The following PTK2 variants were observed in gnomAD, a reference collection of about 807,000 sequenced individuals.
PTK2 encodes focal adhesion kinase 1.
PTK2 carries 45 observed loss-of-function variants against 150.1 expected under a neutral mutation model. That is an observed-to-expected ratio of 0.30 (90% CI 0.24 to 0.38). The LOEUF (loss-of-function observed/expected upper bound fraction) is 0.38, where lower values mean the gene tolerates loss of function less well. Among genes scored for constraint, PTK2 ranks in the 10% least tolerant of loss-of-function variants. The pLI, the probability that PTK2 is intolerant of heterozygous loss-of-function variation, is 1.00. For synonymous variants in PTK2, 432 were observed against 449.2 expected (o/e 0.96, Z 0.48); for missense variants, 919 against 1,307.3 (o/e 0.70, Z 4.58).
At chr8:140,887,596 A>G (rs2100152763) in intron 3 of PTK2, among the ~76,000 whole-genome samples, 1 of 152,222 alleles carries the variant, frequency 6.6e-6, no homozygotes, top group Non-Finnish European at 1.5e-5. Context: ...TTTCTGAACC[A>G]AGCAGTCTTT....
exon 25 of PTK2, chr8:140,702,592 G>A: frequency 6.2e-7 from 1 of 1,613,500 alleles, no homozygotes; most frequent in Non-Finnish European, 8.5e-7. Flanking sequence ...CTGCCACATT[G>A]CTATCTCCTG....
intron 27 of PTK2, chr8:140,675,879 C>A (rs192090631): frequency 3.0e-5 from 5 of 165,130 alleles, no homozygotes; most frequent in Non-Finnish European, 5.2e-5. Flanking sequence ...AATAGAACTA[C>A]CATTCGATCC....
chr8:140,665,917 C>T lies in PTK2; in HGVS notation c.2866-920G>A, dbSNP rs148463037. 3.2e-4 allele frequency among the ~76,000 whole-genome samples: 49 copies of T among 152,328 alleles called. No homozygotes were observed. The East Asian group carries it at 7.3e-3, about 23-fold the overall frequency. On this transcript the variant is annotated intron_variant, in intron 30 of 31. Coordinates refer to ENST00000522684, the Ensembl canonical transcript of PTK2. ...TGGTTAAAACTGTTATGTGGATACA[C>T]TTTAAAAAAGTGAACCAGAATGGAT...
intron 4 of PTK2, among the ~76,000 whole-genome samples, chr8:140,866,012 T>A (rs1389583702): frequency 6.6e-6 from 1 of 152,182 alleles, no homozygotes; most frequent in Non-Finnish European, 1.5e-5. Context: ...CTCGAACTCC[T>A]GAGTCAGTTC....
At chr8:140,764,318 AAG>A in intron 14 of PTK2, 28 bp from the exon 17 acceptor site, 1 of 1,563,776 alleles carries the variant, frequency 6.4e-7, no homozygotes, top group Non-Finnish European at 8.8e-7. Flanking sequence ...GATATGTTGA[AAG>A]AGGTTAAACA....
intron 1 of PTK2, among the ~76,000 whole-genome samples, chr8:140,938,315 T>C (rs976309667): frequency 3.3e-5 from 5 of 152,168 alleles, no homozygotes; most frequent in Admixed American, 3.3e-4. Context: ...TCCCAGGCAT[T>C]GATAAAGGTA....
intron 1 of PTK2, among the ~76,000 whole-genome samples, chr8:140,933,996 C>A (rs1310816377): frequency 6.7e-6 from 1 of 149,552 alleles, no homozygotes; most frequent in African/African-American, 2.5e-5. Flanking sequence ...AGCTAAAGGA[C>A]AAAAAAAAAT....
At chr8:140,833,625 G>A (rs1437708816) in intron 7 of PTK2, among the ~76,000 whole-genome samples, 6 of 152,072 alleles carry the variant, frequency 3.9e-5, no homozygotes, top group Non-Finnish European at 7.4e-5. Context: ...CTCAAGTGGC[G>A]TAAAAACCTT....
At chr8:140,756,988 CAAA>C (rs751248364) in intron 16 of PTK2, among the ~76,000 whole-genome samples, 2 of 99,406 alleles carry the variant, frequency 2.0e-5, no homozygotes, top group Non-Finnish European at 4.3e-5. Flanking sequence ...TACTCCGTCT[CAAA>C]AAAAAAAAAA....
At chr8:140,889,831 A>G (rs533927957) in intron 3 of PTK2, among the ~76,000 whole-genome samples, 180 of 152,230 alleles carry the variant, frequency 1.2e-3, no homozygotes, top group Middle Eastern at 3.4e-3. Context: ...TTCATTCCCC[A>G]CCTTCAGAAA....
intron 5 of PTK2, among the ~76,000 whole-genome samples, chr8:140,860,684 G>A (rs2100135544): frequency 6.6e-6 from 1 of 152,182 alleles, no homozygotes; most frequent in Admixed American, 6.5e-5. Context: ...TGTTGGCCAA[G>A]GCTGGTCTCG....
chr8:140,768,139 C>T (rs1446044418), intron 14 of PTK2, among the ~76,000 whole-genome samples: 2 of 152,010 alleles, frequency 1.3e-5, no homozygotes, highest in African/African-American at 4.8e-5. Context: ...TAAATAATTA[C>T]ATATATTGTC....
intron 5 of PTK2, 90 bp from the exon 6 acceptor site, chr8:140,846,768 A>C: frequency 6.9e-6 from 6 of 873,412 alleles, no homozygotes; most frequent in South Asian, 5.1e-5. Flanking sequence ...AGTACCTTTC[A>C]TATAGTTTAC....
At chr8:140,902,644 T>C (rs763406493) in intron 2 of PTK2, among the ~76,000 whole-genome samples, 6 of 152,232 alleles carry the variant, frequency 3.9e-5, no homozygotes, top group East Asian at 1.9e-4. Context: ...TTTTTAATGA[T>C]TGCCATTCTA....
intron 4 of PTK2, among the ~76,000 whole-genome samples, chr8:140,870,511 GAATT>G: frequency 6.6e-6 from 1 of 152,212 alleles, no homozygotes; most frequent in East Asian, 1.9e-4. Flanking sequence ...TATAGAGTAA[GAATT>G]AACTTAGTAA....
At chr8:140,725,282 A>T (rs1230903053) in intron 22 of PTK2, among the ~76,000 whole-genome samples, 2 of 152,318 alleles carry the variant, frequency 1.3e-5, no homozygotes, top group East Asian at 3.9e-4. Flanking sequence ...TACAGGCATG[A>T]GCCACCGCAA....
intron 19 of PTK2, among the ~76,000 whole-genome samples, chr8:140,743,902 C>T (rs1341789727): frequency 4.0e-5 from 6 of 151,710 alleles, no homozygotes; most frequent in South Asian, 2.1e-4. Context: ...CTCAGCCTCC[C>T]GAGTAGCTGG....
At chr8:140,927,127 CAT>C (rs1485397801) in intron 1 of PTK2, among the ~76,000 whole-genome samples, 4 of 152,100 alleles carry the variant, frequency 2.6e-5, no homozygotes. Context: ...TCAATCTATC[CAT>C]ATATGTTATA....
At chr8:140,773,454 G>A (rs1475960672) in intron 14 of PTK2, among the ~76,000 whole-genome samples, 1 of 152,140 alleles carries the variant, frequency 6.6e-6, no homozygotes, top group Non-Finnish European at 1.5e-5. Context: ...TTTTCAAGTG[G>A]GGCTACCATT....
Sources: allele counts gnomAD v4.1 joint callset (sites outside exome capture counted in the v4.1 genomes callset), GRCh38; gene constraint gnomAD v4.1.1; transcripts MANE v1.5; gene names NCBI Gene and HGNC (gene_info 2026-07-23, HGNC 2026-07-21).